Variants in ACADM observed in about 807,000 individuals in gnomAD.
The protein encoded by ACADM is medium-chain specific acyl-CoA dehydrogenase, mitochondrial.
Under a neutral mutation model 58.9 loss-of-function variants are expected in ACADM, and 49 were observed. The ratio of observed to expected loss-of-function variants is 0.83; its 90% CI spans 0.66 to 1.06. The LOEUF (loss-of-function observed/expected upper bound fraction) is 1.06, where lower values mean the gene tolerates loss of function less well. ACADM is among the 50% of genes least tolerant of loss of function. The pLI is 0.00. For synonymous variants in ACADM, 160 were observed against 157.7 expected (o/e 1.01, Z -0.11); for missense variants, 496 against 507.0 (o/e 0.98, Z 0.21).
At chr1:75,732,618 A>G (rs1176522664) in intron 2 of ACADM, 26 bp from the exon 3 acceptor site, 10 of 1,561,640 alleles carry the variant, frequency 6.4e-6, no homozygotes, top group Non-Finnish European at 7.9e-6. Context: ...ATCCAGTTTT[A>G]ACTTTTCTAA....
chr1:75,754,356 C>T (rs1054705708), intron 10 of ACADM, among the ~76,000 whole-genome samples: 2 of 151,890 alleles, frequency 1.3e-5, no homozygotes, highest in African/African-American at 4.8e-5. Context: ...TACAGGTGCC[C>T]GCAACTGCAC....
intron 10 of ACADM, among the ~76,000 whole-genome samples, chr1:75,759,096 G>A (rs1042026356): frequency 6.6e-6 from 1 of 152,120 alleles, no homozygotes; most frequent in Non-Finnish European, 1.5e-5. Flanking sequence ...CACATCTGAA[G>A]GAACAAACTC....
intron 7 of ACADM, 82 bp downstream of exon 7, chr1:75,740,192 A>G: frequency 7.2e-7 from 1 of 1,379,794 alleles, no homozygotes; most frequent in Non-Finnish European, 1.0e-6. Flanking sequence ...ATATTTTTAA[A>G]CCACTACAGT....
chr1:75,754,093 G>A (rs1442524026), intron 10 of ACADM, among the ~76,000 whole-genome samples: 1 of 151,432 alleles, frequency 6.6e-6, no homozygotes, highest in African/African-American at 2.4e-5. Flanking sequence ...ACTGCGCCTG[G>A]CCTAGTTTTT....
intron 7 of ACADM, among the ~76,000 whole-genome samples, chr1:75,741,251 A>AT (rs1268604570): frequency 1.3e-5 from 2 of 151,910 alleles, no homozygotes; most frequent in Non-Finnish European, 2.9e-5. Flanking sequence ...ATAAAACATC[A>AT]TTTTTTTTCA....
At chr1:75,736,501 T>C (rs531708417) in intron 6 of ACADM, among the ~76,000 whole-genome samples, 13 of 152,158 alleles carry the variant, frequency 8.5e-5, no homozygotes, top group Non-Finnish European at 1.8e-4. Context: ...CTATTGTCTA[T>C]AAGAACTGTG....
At position 75,740,047 on chromosome 1, in the gene ACADM, AAGG is replaced by A. The variant is rs776120077; in HGVS notation, c.539_541del (p.Gly180del). ...GGTATAAAGACCAAAGCAGAAAAGA[AAGG>A]AGATGAGTATATTATTAATGGTCAG... is the stretch of plus-strand genomic sequence containing the variant. On this transcript the variant is annotated inframe_deletion, in exon 7 of 12. Transcript: ENST00000370841. The A allele has an allele frequency of 2.5e-6, 4 of 1,612,728 alleles. No homozygotes were observed. In the African/African-American group the frequency reaches 4.0e-5, roughly 16 times the overall value.
chr1:75,757,517 T>C (rs975246028), intron 10 of ACADM, among the ~76,000 whole-genome samples: 1 of 152,162 alleles, frequency 6.6e-6, no homozygotes, highest in African/African-American at 2.4e-5. Context: ...TACCATCTCA[T>C]ATCATTTAGA....
intron 10 of ACADM, among the ~76,000 whole-genome samples, chr1:75,753,032 C>G (rs1011537423): frequency 5.3e-5 from 8 of 152,196 alleles, no homozygotes; most frequent in Non-Finnish European, 1.2e-4. Context: ...TTAAGAAACT[C>G]CGTACATTCC....
At chr1:75,759,820 C>T (rs1570907686) in intron 10 of ACADM, among the ~76,000 whole-genome samples, 1 of 151,982 alleles carries the variant, frequency 6.6e-6, no homozygotes, top group East Asian at 2.0e-4. Flanking sequence ...TGCCACCATG[C>T]CTGGCTAATT....
At chr1:75,744,160 A>G (rs1647749351) in intron 7 of ACADM, 8 of 1,573,342 alleles carry the variant, frequency 5.1e-6, no homozygotes, top group Non-Finnish European at 7.0e-6. Flanking sequence ...GTGGTGGGAC[A>G]GCAGTGGGTT....
rs754359356 is a variant in ACADM, at chr1:75,740,069, T to C, written c.558T>C (p.Asn186=). 3 of 1,612,702 alleles carry C rather than the reference T, an allele frequency of 1.9e-6. No homozygotes were observed. Among genetic ancestry groups the C allele is most frequent in the Non-Finnish European group, 2.5e-6 (3 of 1,179,002 alleles). The stretch of plus-strand genomic sequence containing the variant: ...AGAAAGGAGATGAGTATATTATTAA[T>C]GGTCAGAAGATGTGGATAACCAACG... ...AEKKGDEYII[N]GQKMWITNGG... Residue 186 remains asparagine (N), a synonymous_variant, in exon 7 of 12, where the codon AAT becomes AAC. Coordinates refer to ENST00000370841, the MANE Select transcript of ACADM (RefSeq NM_000016.6).
intron 2 of ACADM, among the ~76,000 whole-genome samples, 196 bp downstream of exon 2, chr1:75,728,684 A>G (rs1014407304): frequency 5.3e-5 from 8 of 152,244 alleles, no homozygotes; most frequent in Non-Finnish European, 1.2e-4. Context: ...ACTACACTGT[A>G]CATTAGATCT....
At chr1:75,727,958 A>G (rs997858295) in intron 1 of ACADM, among the ~76,000 whole-genome samples, 1 of 152,164 alleles carries the variant, frequency 6.6e-6, no homozygotes, top group African/African-American at 2.4e-5. Flanking sequence ...AGAGGCATGC[A>G]TGGGAGGCTC....
intron 10 of ACADM, among the ~76,000 whole-genome samples, chr1:75,753,354 T>C (rs940653555): frequency 3.9e-5 from 6 of 152,102 alleles, no homozygotes; most frequent in Non-Finnish European, 8.8e-5. Flanking sequence ...CCATGTTATC[T>C]CTTCTCAGGA....
intron 7 of ACADM, chr1:75,744,907 A>G (rs988013762): frequency 5.5e-6 from 2 of 361,260 alleles, no homozygotes; most frequent in African/African-American, 4.2e-5. Flanking sequence ...TTCAACAGGC[A>G]TAGACTGTCT....
intron 5 of ACADM, among the ~76,000 whole-genome samples, chr1:75,734,414 A>T (rs536270512): frequency 5.3e-5 from 8 of 151,212 alleles, no homozygotes; most frequent in African/African-American, 1.7e-4. Flanking sequence ...TGACCTCGTA[A>T]TCCGCCCACC....
At chr1:75,734,348 T>G (rs1300469124) in intron 5 of ACADM, among the ~76,000 whole-genome samples, 8 of 124,884 alleles carry the variant, frequency 6.4e-5, no homozygotes, top group African/African-American at 2.4e-4. Flanking sequence ...TTTTTTTTTT[T>G]GTATTTTTAG....
intron 6 of ACADM, among the ~76,000 whole-genome samples, chr1:75,737,311 T>TATATATATAC (rs1647319905): frequency 2.0e-5 from 2 of 101,308 alleles, no homozygotes; most frequent in African/African-American, 3.7e-5. Context: ...TATATATATA[T>TATATATATAC]ATATATATAT....
Sources: gnomAD v4.1 joint callset for allele counts (sites outside exome capture counted in the v4.1 genomes callset) on GRCh38, gnomAD v4.1.1 for gene constraint, MANE v1.5 for transcripts, NCBI Gene and HGNC (gene_info 2026-07-23, HGNC 2026-07-21) for gene names.